HDAC7: variants seen among roughly 807,000 people sequenced by gnomAD.
The protein encoded by HDAC7 is histone deacetylase 7, also known as histone deacetylase 7A.
In HDAC7, 26 loss-of-function variants were observed where a neutral mutation model predicts 115.5. That is an observed-to-expected ratio of 0.23 (90% confidence interval 0.16 to 0.31). HDAC7 has a LOEUF of 0.31. Ranked by LOEUF, HDAC7 falls within the 10% of genes least tolerant of loss-of-function variation. The pLI, the probability that HDAC7 is intolerant of heterozygous loss-of-function variation, is 1.00. For missense variants in HDAC7, 1,068 were observed against 1,329.0 expected (o/e 0.80, Z 3.05); for synonymous variants, 564 against 550.9 (o/e 1.02, Z -0.33).
chr12:47,799,987 C>T (rs1451933515), intron 2 of HDAC7, among the ~76,000 whole-genome samples: 1 of 152,166 alleles, frequency 6.6e-6, no homozygotes, highest in Admixed American at 6.5e-5. Flanking sequence ...TGGGCATCTC[C>T]CAGTGGGGCA....
Position 47,785,745 on chromosome 12 carries a change from G to A in HDAC7, c.2706+7C>T, listed in dbSNP as rs926484970. ...AGAAGCATGGATGGGGGAGGGAGAC[G>A]GCTCACCCTGTTACCCAGAAGAGCA... On this transcript the variant is annotated splice_region_variant and intron_variant, in intron 23 of 25. Transcript: ENST00000080059. The A allele has an allele frequency of 1.0e-5, 16 of 1,602,024 alleles. No homozygotes were observed. The highest frequency in any genetic ancestry group is 2.7e-5 in the African/African-American group (2 of 74,856).
At position 47,783,653 on chromosome 12, in the gene HDAC7, A is replaced by G. The variant is rs1942984394; in HGVS notation, c.*188T>C. The G allele has an allele frequency of 1.5e-6, 1 of 658,464 alleles. No homozygotes were observed. Among genetic ancestry groups the G allele is most frequent in the African/African-American group, 1.8e-5 (1 of 55,142 alleles). The allele number at this position is 658,464 out of a possible 1,614,324, so 40.8% of individuals were successfully genotyped here. On this transcript the variant is annotated 3_prime_UTR_variant, in exon 26 of 26. Coordinates refer to ENST00000080059, the MANE Select transcript of HDAC7 (RefSeq NM_015401.5). ...CCCGTCTCCTCTCAGGGTCCTCTCC[A>G]GTTCCCATTCTAGACCCAGGGATTT... is the stretch of plus-strand genomic sequence containing the variant.
chr12:47,795,750 C>A lies in HDAC7; in HGVS notation c.924G>T (p.Arg308Ser). 1 of 1,537,066 alleles carries A rather than the reference C, an allele frequency of 6.5e-7. No homozygotes were observed. Residue 308 changes from arginine to serine, a missense_variant, in exon 10 of 26, where the codon AGG (arginine) becomes AGT (serine). By Grantham distance (110) the Arg-to-Ser change is moderately radical. Transcript: ENST00000080059. The surrounding 1 kb of genome is among the most constrained non-coding windows in gnomAD (Gnocchi z 4.3). ...PAPARADSDR[R>S]THPTLGPRGP... is the part of the protein sequence containing the mutation. Reference sequence around the variant, plus strand: ...CCCGAGGGCCCAGAGTCGGATGGGTCCTGCGGTCACTGTCAGCCTGGGGGA... The same window carrying A: ...CCCGAGGGCCCAGAGTCGGATGGGTACTGCGGTCACTGTCAGCCTGGGGGA...
Position 47,798,823 on chromosome 12 carries a change from C to T in HDAC7, c.220G>A (p.Ala74Thr), listed in dbSNP as rs758015686. 1.9e-5 allele frequency: 30 copies of T among 1,559,354 alleles called. No individual in the cohort carries two copies. The highest frequency in any genetic ancestry group is 2.3e-5 in the Non-Finnish European group (27 of 1,151,358). Residue 74 changes from alanine (A) to threonine (T), a missense_variant, in exon 3 of 26, where the codon GCA becomes ACA. Physicochemically the swap from Ala to Thr is moderately conservative, Grantham distance 58. Transcript: ENST00000080059. This position sits in a 1 kb window ranked among gnomAD's most constrained non-coding sequence, Gnocchi z 4.3. ...PQRLHHHLFL[A>T]GLQQQRSVEP... ...ACCGAGCGCTGCTGCTGCAGGCCTG[C>T]TAGGAAGAGGTGGTGGTGCAGGCGC...
chr12:47,794,909 G>C lies in HDAC7; in HGVS notation c.1309C>G (p.Pro437Ala), dbSNP rs770245918. The C allele has an allele frequency of 5.0e-6, 8 of 1,613,142 alleles. No homozygotes were observed. The highest frequency in any genetic ancestry group is 6.8e-6 in the Non-Finnish European group (8 of 1,179,864). Reference protein sequence around the residue: ...IKRSAKPSEKPRLRQIPSAED... With the variant: ...IKRSAKPSEKARLRQIPSAED... ...GCCGAGGGTATCTGCCGCAGCCGGGGCTTCTCACTCGGCTTGGCTGACCTC... is the reference window on the plus strand; with the variant it reads ...GCCGAGGGTATCTGCCGCAGCCGGGCCTTCTCACTCGGCTTGGCTGACCTC... The change falls in exon 12 of 26, where the codon CCC (proline) becomes GCC (alanine). Residue 437 changes from proline to alanine, a missense_variant. This residue lies in a region of HDAC7 where 618 missense variants were observed against 701.5 expected (regional missense o/e 0.88). Coordinates refer to ENST00000080059, the MANE Select transcript of HDAC7 (RefSeq NM_015401.5).
At chr12:47,791,817 C>G in intron 14 of HDAC7, 54 bp downstream of exon 14, 2 of 1,571,754 alleles carry the variant, frequency 1.3e-6, no homozygotes, top group Non-Finnish European at 1.7e-6. Context: ...CACCCCTCCC[C>G]TCCCATGACT....
chr12:47,807,941 C>T (rs750930429), intron 1 of HDAC7, among the ~76,000 whole-genome samples: 1 of 152,192 alleles, frequency 6.6e-6, no homozygotes, highest in African/African-American at 2.4e-5. Flanking sequence ...CTCTCATTAG[C>T]GTCCCAAAGC....
intron 1 of HDAC7, among the ~76,000 whole-genome samples, chr12:47,813,774 C>G (rs977969499): frequency 6.6e-6 from 1 of 152,178 alleles, no homozygotes; most frequent in Non-Finnish European, 1.5e-5. Flanking sequence ...TCCAGAGAGG[C>G]CCAGGGTGGA....
At chr12:47,814,329 AC>A (rs1944789444) in intron 1 of HDAC7, among the ~76,000 whole-genome samples, 2 of 152,046 alleles carry the variant, frequency 1.3e-5, no homozygotes, top group South Asian at 4.2e-4. Context: ...CTAGGCCTTG[AC>A]CCCCTCTCTT....
intron 13 of HDAC7, 181 bp from the exon 14 acceptor site, chr12:47,792,185 A>C: frequency 3.1e-6 from 2 of 639,012 alleles, no homozygotes; most frequent in Non-Finnish European, 5.2e-6. Flanking sequence ...AGCCCCTCAC[A>C]CCTGTCCACA....
rs1214480428 is a variant in HDAC7 at position 47,798,696 on chromosome 12, G to T, written c.259-44C>A. The stretch of plus-strand genomic sequence containing the variant: ...GCCCAGAAAGGGACAAGGAGTTGAG[G>T]ACTGAGACTGGTGTCTAGGGATGCT... On this transcript the variant is annotated intron_variant, in intron 3 of 25. Transcript: ENST00000080059. This position sits in a 1 kb window ranked among gnomAD's most constrained non-coding sequence, Gnocchi z 4.3. The T allele has an allele frequency of 5.7e-6, 9 of 1,585,772 alleles. No individual in the cohort carries two copies. The highest frequency in any genetic ancestry group is 7.7e-6 in the Non-Finnish European group (9 of 1,164,686).
Position 47,793,406 on chromosome 12 carries a change from G to A in HDAC7, c.1641C>T (p.Ser547=), listed in dbSNP as rs1375245241. The stretch of plus-strand genomic sequence containing the variant: ...GCAGGGTCCTGGCAGGGGTCTCTGA[G>A]CTGGAGAGGACTCGGGCCTGGCTGG... ...EPASQARVLS[S]SETPARTLPF... is the part of the protein sequence containing the mutation. Residue 547 remains serine (S), a synonymous_variant, in exon 13 of 26, where the codon AGC becomes AGT. Transcript: ENST00000080059. The surrounding 1 kb of genome is among the most constrained non-coding windows in gnomAD (Gnocchi z 4.5). 6.4e-7 allele frequency: 1 copy of A among 1,559,450 alleles called. No homozygotes were observed. Among genetic ancestry groups the A allele is most frequent in the Non-Finnish European group, 8.7e-7 (1 of 1,151,716 alleles).
At chr12:47,792,414 A>T (rs1943579808) in intron 13 of HDAC7, 1 of 346,440 alleles carries the variant, frequency 2.9e-6, no homozygotes, top group Admixed American at 3.9e-5. Context: ...GAGGCTACCA[A>T]GGGGCAGCAG....
At chr12:47,818,208 C>G (rs1294342093) in intron 1 of HDAC7, among the ~76,000 whole-genome samples, 1 of 152,168 alleles carries the variant, frequency 6.6e-6, no homozygotes, top group Non-Finnish European at 1.5e-5. Context: ...ACACAGAGGC[C>G]TCTGGAGAAC....
intron 24 of HDAC7, chr12:47,784,872 A>G (rs1943078482): frequency 1.8e-6 from 2 of 1,092,018 alleles, no homozygotes; most frequent in Non-Finnish European, 2.7e-6. Flanking sequence ...AGCCCTTGAT[A>G]TGGGAATCTA....
rs1943554911 is a variant in HDAC7 at position 47,791,994 on chromosome 12, A to G, written c.1689T>C (p.Tyr563=). The G allele has an allele frequency of 6.2e-7, 1 of 1,609,062 alleles. No individual in the cohort carries two copies. Among genetic ancestry groups the G allele is most frequent in the African/African-American group, 1.3e-5 (1 of 74,820 alleles). The change falls in exon 14 of 26, where the codon TAT becomes TAC. Residue 563 remains tyrosine, a synonymous_variant. Transcript: ENST00000080059. The part of the protein sequence containing the change: ...RTLPFTTGLI[Y]DSVMLKHQCS... ...ACTGGTGCTTCAGCATGACCGAGTC[A>G]TAGATCAGCCCTGCAGGAGCAAGGG...
chr12:47,806,945 C>CTT lies in HDAC7; in HGVS notation c.20-4673_20-4672dup, dbSNP rs71077176. On this transcript the variant is annotated intron_variant, in intron 1 of 25. Transcript: ENST00000080059. ...CCCTGCCCCATCTCTCTCTCTCTCT[C>CTT]TTTTTTTTTTTTGAGATGGAGTCTC... Among the ~76,000 whole-genome samples, 1,350 of 144,904 alleles carry CTT rather than the reference C, an allele frequency of 9.3e-3. 32 individuals are homozygous for CTT. The highest frequency in any genetic ancestry group is 0.033 in the African/African-American group (1,290 of 39,438).
intron 1 of HDAC7, among the ~76,000 whole-genome samples, chr12:47,814,247 C>T (rs904316969): frequency 2.0e-5 from 3 of 152,168 alleles, no homozygotes; most frequent in Non-Finnish European, 1.5e-5. Context: ...CTCCCTTGAG[C>T]CCTGTCCTCT....
Position 47,784,312 on chromosome 12 carries a change from G to C in HDAC7, c.2792-95C>G, listed in dbSNP as rs1376022755. 2.2e-6 allele frequency: 3 copies of C among 1,361,872 alleles called. No homozygotes were observed. The East Asian group carries it at 7.5e-5, about 34-fold the overall frequency. The allele number at this position is 1,361,872 out of a possible 1,614,324, so 84.4% of individuals were successfully genotyped here. A position where few individuals can be genotyped will look rare whatever the true frequency, so the allele number is the denominator to read the frequency against. ...TATTGAGGTTGGTGTCTCAGGCCCAGGGCCCCGGAGGAGCGGGCCTGTCCT... is the reference window on the plus strand; with the variant it reads ...TATTGAGGTTGGTGTCTCAGGCCCACGGCCCCGGAGGAGCGGGCCTGTCCT... On this transcript the variant is annotated intron_variant, in intron 24 of 25. Transcript: ENST00000080059.
Sources: allele counts gnomAD v4.1 joint callset (sites outside exome capture counted in the v4.1 genomes callset), GRCh38; gene constraint gnomAD v4.1.1; regional missense constraint gnomAD v4.1.1; non-coding constraint Gnocchi (gnomAD v3.1); transcripts MANE v1.5; gene names NCBI Gene and HGNC (gene_info 2026-07-23, HGNC 2026-07-21).